DPP10: variants seen among roughly 807,000 people sequenced by gnomAD.
DPP10 encodes dipeptidyl peptidase like 10, also known as inactive dipeptidyl peptidase 10.
DPP10 carries 33 observed loss-of-function variants against 120.9 expected under a neutral mutation model. The ratio of observed to expected loss-of-function variants is 0.27; its 90% CI spans 0.21 to 0.37. The LOEUF is 0.37. Among genes scored for constraint, DPP10 ranks in the 10% least tolerant of loss-of-function variants. DPP10 has a pLI of 1.00. For missense variants in DPP10, 816 were observed against 942.8 expected, an observed-to-expected ratio of 0.87 and a Z score of 1.76; for synonymous variants, 337 against 326.1, an observed-to-expected ratio of 1.03 and a Z score of -0.36.
chr2:115,378,735 C>A (rs576715025), intron 3 of DPP10, among the ~76,000 whole-genome samples: 63 of 152,204 alleles, frequency 4.1e-4, no homozygotes, highest in African/African-American at 1.4e-3. Flanking sequence ...CCATCAATCC[C>A]TAATTTATTG....
intron 19 of DPP10, among the ~76,000 whole-genome samples, chr2:115,793,315 A>G (rs1401173512): frequency 6.6e-6 from 1 of 152,130 alleles, no homozygotes; most frequent in Non-Finnish European, 1.5e-5. Flanking sequence ...AATTGGGGAA[A>G]ATAACATGGG....
At chr2:115,326,288 G>A (rs775393876) in intron 2 of DPP10, among the ~76,000 whole-genome samples, 4 of 151,974 alleles carry the variant, frequency 2.6e-5, no homozygotes, top group Admixed American at 2.0e-4. Context: ...TGACACAACC[G>A]TAGTAAGGTC....
chr2:114,490,501 C>T (rs1466852292), intron 1 of DPP10, among the ~76,000 whole-genome samples: 2 of 150,924 alleles, frequency 1.3e-5, no homozygotes, highest in African/African-American at 2.4e-5. Flanking sequence ...GGCTCCCTCA[C>T]GAGCTCCACA....
At chr2:115,670,015 G>T (rs1188697130) in intron 5 of DPP10, among the ~76,000 whole-genome samples, 1 of 152,098 alleles carries the variant, frequency 6.6e-6, no homozygotes, top group Admixed American at 6.5e-5. Context: ...AGTTCTGCAG[G>T]CTGGGAAGTC....
chr2:114,545,316 G>C (rs1687305339), intron 1 of DPP10, among the ~76,000 whole-genome samples: 1 of 151,698 alleles, frequency 6.6e-6, no homozygotes, highest in South Asian at 2.1e-4. Context: ...TACTTTTACA[G>C]TGGCCACTAG....
intron 11 of DPP10, among the ~76,000 whole-genome samples, chr2:115,756,766 A>G (rs1476704986): frequency 6.6e-6 from 1 of 152,140 alleles, no homozygotes; most frequent in Non-Finnish European, 1.5e-5. Flanking sequence ...TTTATAATGA[A>G]CAGAAACTTA....
intron 1 of DPP10, among the ~76,000 whole-genome samples, chr2:114,670,965 A>G (rs1161401547): frequency 6.6e-6 from 1 of 152,150 alleles, no homozygotes; most frequent in Non-Finnish European, 1.5e-5. Context: ...TTAACATATT[A>G]TAGAGCTAGT....
At chr2:114,540,091 T>G (rs1573604488) in intron 1 of DPP10, among the ~76,000 whole-genome samples, 1 of 152,296 alleles carries the variant, frequency 6.6e-6, no homozygotes, top group East Asian at 1.9e-4. Flanking sequence ...CAACATATTT[T>G]CAAAGACAGA....
chr2:114,642,136 A>G (rs183861886), intron 1 of DPP10, among the ~76,000 whole-genome samples: 1 of 152,108 alleles, frequency 6.6e-6, no homozygotes, highest in Non-Finnish European at 1.5e-5. Context: ...TTGAGTATAT[A>G]CTAAATAATC....
At chr2:114,691,128 T>C (rs1699716878) in intron 1 of DPP10, among the ~76,000 whole-genome samples, 1 of 152,116 alleles carries the variant, frequency 6.6e-6, no homozygotes, top group African/African-American at 2.4e-5. Context: ...AGAAAGGGCA[T>C]CCTTGCCTTG....
intron 1 of DPP10, among the ~76,000 whole-genome samples, chr2:115,122,753 C>T (rs1219038200): frequency 6.6e-6 from 1 of 152,152 alleles, no homozygotes; most frequent in Non-Finnish European, 1.5e-5. Context: ...CAGAGGAAAC[C>T]TTGAACATTA....
At position 114,763,135 on chromosome 2, in the gene DPP10, T is replaced by G. The variant is rs1680421488; in HGVS notation, c.60+320297T>G. On this transcript the variant is annotated intron_variant, in intron 1 of 25. Coordinates refer to ENST00000410059, the MANE Select transcript of DPP10 (RefSeq NM_020868.6). ...GGAGGACGTGGTGTGTTCAAGGGCA[T>G]CAAGCCATGAAAGGGCTGGTGCTTT... Among the ~76,000 whole-genome samples, 2 of 152,084 alleles carry G rather than the reference T, an allele frequency of 1.3e-5. 1 individual carries two copies. The highest frequency in any genetic ancestry group is 1.3e-4 in the Admixed American group (2 of 15,260).
At chr2:115,614,204 C>T (rs992611865) in intron 5 of DPP10, among the ~76,000 whole-genome samples, 1 of 152,128 alleles carries the variant, frequency 6.6e-6, no homozygotes, top group Non-Finnish European at 1.5e-5. Flanking sequence ...ATTTTAGAGA[C>T]CAGCTCTCAG....
intron 4 of DPP10, among the ~76,000 whole-genome samples, chr2:115,519,242 G>A (rs1387692317): frequency 1.3e-5 from 2 of 151,968 alleles, no homozygotes; most frequent in East Asian, 3.9e-4. Flanking sequence ...TAAATGAATA[G>A]AATATTATTT....
intron 1 of DPP10, among the ~76,000 whole-genome samples, chr2:114,836,310 A>C (rs532775891): frequency 7.4e-4 from 112 of 152,256 alleles, no homozygotes; most frequent in African/African-American, 2.6e-3. Flanking sequence ...TCGATATTTC[A>C]TGTAGGTTCT....
At chr2:114,722,920 T>A (rs1289067765) in intron 1 of DPP10, among the ~76,000 whole-genome samples, 1 of 151,576 alleles carries the variant, frequency 6.6e-6, no homozygotes, top group African/African-American at 2.4e-5. Flanking sequence ...GGATGAAAAC[T>A]GGGTAAGAAA....
intron 1 of DPP10, among the ~76,000 whole-genome samples, chr2:114,752,919 C>T (rs1234155706): frequency 6.6e-6 from 1 of 152,194 alleles, no homozygotes; most frequent in Admixed American, 6.5e-5. Context: ...GGCTGAACCC[C>T]AGAGTTAGAC....
chr2:114,444,329 A>G (rs1235455847), intron 1 of DPP10, among the ~76,000 whole-genome samples: 1 of 152,204 alleles, frequency 6.6e-6, no homozygotes, highest in South Asian at 2.1e-4. Flanking sequence ...TATAAGCTCT[A>G]GTGGGAAATA....
chr2:115,353,413 A>G (rs1329365644), intron 3 of DPP10, among the ~76,000 whole-genome samples: 1 of 152,134 alleles, frequency 6.6e-6, no homozygotes, highest in African/African-American at 2.4e-5. Context: ...TATGATTAGA[A>G]TATGTATATT....
Sources: gnomAD v4.1 joint callset for allele counts (sites outside exome capture counted in the v4.1 genomes callset) on GRCh38, gnomAD v4.1.1 for gene constraint, MANE v1.5 for transcripts, NCBI Gene and HGNC (gene_info 2026-07-23, HGNC 2026-07-21) for gene names.